TAFA1: variants seen among roughly 807,000 people sequenced by gnomAD.
TAFA1 encodes chemokine-like protein TAFA-1.
In TAFA1, 4 loss-of-function variants were observed where a neutral mutation model predicts 18.5. The ratio of observed to expected loss-of-function variants is 0.22; its 90% CI spans 0.11 to 0.49. TAFA1 has a LOEUF of 0.49. Ranked by LOEUF, TAFA1 falls within the 20% of genes least tolerant of loss-of-function variation. TAFA1 has a pLI of 0.98. For synonymous variants in TAFA1, 56 were observed against 55.2 expected (o/e 1.01, Z -0.06); for missense variants, 147 against 169.0 (o/e 0.87, Z 0.72).
At chr3:68,474,734 A>T (rs961909808) in intron 3 of TAFA1, among the ~76,000 whole-genome samples, 1 of 152,228 alleles carries the variant, frequency 6.6e-6, no homozygotes, top group Non-Finnish European at 1.5e-5. Flanking sequence ...CAGGCGTCAT[A>T]CCTGAAAAGG....
intron 2 of TAFA1, among the ~76,000 whole-genome samples, chr3:68,103,852 A>G (rs2065176514): frequency 6.6e-6 from 1 of 152,150 alleles, no homozygotes; most frequent in African/African-American, 2.4e-5. Flanking sequence ...CTCATCACAC[A>G]GATGATAAAA....
chr3:68,093,720 A>G (rs1003640834), intron 2 of TAFA1, among the ~76,000 whole-genome samples: 4 of 151,898 alleles, frequency 2.6e-5, no homozygotes, highest in African/African-American at 9.7e-5. Context: ...ATCCCATATC[A>G]ATATATCTTG....
chr3:68,273,168 G>T (rs1343200038), intron 2 of TAFA1, among the ~76,000 whole-genome samples: 2 of 152,128 alleles, frequency 1.3e-5, no homozygotes, highest in Non-Finnish European at 2.9e-5. Context: ...ATAAGCTAAG[G>T]TGTATGAGTA....
rs758087152 is a variant in TAFA1, at chr3:68,425,675, G to A, written c.259+8255G>A. Among the ~76,000 whole-genome samples the A allele has an allele frequency of 8.0e-4, 122 of 151,884 alleles. 2 individuals carry two copies. Among genetic ancestry groups the A allele is most frequent in the South Asian group, 2.1e-4 (1 of 4,828 alleles). On this transcript the variant is annotated intron_variant, in intron 3 of 4. Transcript: ENST00000478136. ...TGCCTAATAAAAGATAGGTGTCTACGTTTGTTCCTCCTAATAAAGACAGCT... is the reference window on the plus strand; with the variant it reads ...TGCCTAATAAAAGATAGGTGTCTACATTTGTTCCTCCTAATAAAGACAGCT...
intron 2 of TAFA1, among the ~76,000 whole-genome samples, chr3:68,288,052 T>G (rs902720): frequency 6.6e-6 from 1 of 151,868 alleles, no homozygotes; most frequent in Non-Finnish European, 1.5e-5. Flanking sequence ...GCGCTTTCCT[T>G]GGGTTCCGAA....
At chr3:68,524,061 G>A (rs1041646925) in intron 3 of TAFA1, among the ~76,000 whole-genome samples, 5 of 152,058 alleles carry the variant, frequency 3.3e-5, no homozygotes, top group Admixed American at 1.3e-4. Flanking sequence ...TGACTTAAAA[G>A]AACAAAAATG....
intron 2 of TAFA1, among the ~76,000 whole-genome samples, chr3:68,098,265 T>C (rs2106811442): frequency 6.6e-6 from 1 of 152,196 alleles, no homozygotes; most frequent in African/African-American, 2.4e-5. Context: ...CTGTTTTTTT[T>C]TAAATGTTTC....
chr3:68,465,818 T>C lies in TAFA1; in HGVS notation c.259+48398T>C, dbSNP rs189469169. ...ATGAACATTCCTAACTGAAAAATGT[T>C]GTCTGTTTGCTAGGAAATTATGTAT... On this transcript the variant is annotated intron_variant, in intron 3 of 4. Transcript: ENST00000478136. Among the ~76,000 whole-genome samples the C allele has an allele frequency of 3.1e-3, 471 of 152,240 alleles. 2 individuals carry two copies. Among genetic ancestry groups the C allele is most frequent in the African/African-American group, 0.011 (444 of 41,548 alleles).
chr3:68,467,952 A>T (rs2071921835), intron 3 of TAFA1, among the ~76,000 whole-genome samples: 1 of 152,212 alleles, frequency 6.6e-6, no homozygotes, highest in Non-Finnish European at 1.5e-5. Context: ...TAAAGTTGTG[A>T]ACATTATAGT....
chr3:68,470,466 C>G (rs2071976813), intron 3 of TAFA1, among the ~76,000 whole-genome samples: 2 of 152,174 alleles, frequency 1.3e-5, no homozygotes, highest in South Asian at 4.1e-4. Flanking sequence ...TGGGGAAAGT[C>G]TGGAACTTCC....
At chr3:68,265,333 C>T (rs2067521903) in intron 2 of TAFA1, among the ~76,000 whole-genome samples, 1 of 152,198 alleles carries the variant, frequency 6.6e-6, no homozygotes, top group Admixed American at 6.5e-5. Flanking sequence ...CCTGGCCTGG[C>T]TGCTTTCTAC....
chr3:68,341,633 A>T (rs955708750), intron 2 of TAFA1, among the ~76,000 whole-genome samples: 10 of 152,184 alleles, frequency 6.6e-5, no homozygotes, highest in African/African-American at 2.4e-4. Flanking sequence ...GAATTTTCAG[A>T]GTTCAACTAT....
chr3:68,330,491 T>C (rs1393074488), intron 2 of TAFA1, among the ~76,000 whole-genome samples: 1 of 152,236 alleles, frequency 6.6e-6, no homozygotes, highest in South Asian at 2.1e-4. Flanking sequence ...TTAAGTCTTA[T>C]TTTGCTTTGA....
chr3:68,312,747 C>T (rs1004826212), intron 2 of TAFA1, among the ~76,000 whole-genome samples: 3 of 152,314 alleles, frequency 2.0e-5, no homozygotes, highest in African/African-American at 7.2e-5. Context: ...CAACCTCTGC[C>T]TGTTACCCAG....
chr3:68,420,101 G>C (rs2070925413), intron 3 of TAFA1, among the ~76,000 whole-genome samples: 1 of 152,102 alleles, frequency 6.6e-6, no homozygotes, highest in East Asian at 1.9e-4. Context: ...GAATATATTT[G>C]ACTCAGTTTC....
chr3:68,310,228 A>G (rs2068491565), intron 2 of TAFA1, among the ~76,000 whole-genome samples: 4 of 152,160 alleles, frequency 2.6e-5, no homozygotes, highest in Admixed American at 2.6e-4. Flanking sequence ...ACCAAACCAT[A>G]GACTTCACCA....
At chr3:68,245,208 T>A (rs771222013) in intron 2 of TAFA1, among the ~76,000 whole-genome samples, 1 of 152,238 alleles carries the variant, frequency 6.6e-6, no homozygotes, top group Non-Finnish European at 1.5e-5. Context: ...TCATCCTGAA[T>A]CAGTTTTTGA....
chr3:68,453,840 A>G (rs1394787377), intron 3 of TAFA1, among the ~76,000 whole-genome samples: 1 of 152,178 alleles, frequency 6.6e-6, no homozygotes, highest in Non-Finnish European at 1.5e-5. Flanking sequence ...ATTTCCCATA[A>G]TCCTCTGCAT....
chr3:68,132,891 T>C (rs2106885239), intron 2 of TAFA1, among the ~76,000 whole-genome samples: 1 of 152,352 alleles, frequency 6.6e-6, no homozygotes, highest in East Asian at 1.9e-4. Context: ...TAGATCCCAT[T>C]TGTCAATTTT....
Sources: allele counts gnomAD v4.1 joint callset (sites outside exome capture counted in the v4.1 genomes callset), GRCh38; gene constraint gnomAD v4.1.1; transcripts MANE v1.5; gene names NCBI Gene and HGNC (gene_info 2026-07-23, HGNC 2026-07-21).